The following PALLD variants were observed in gnomAD, a reference collection of about 807,000 sequenced individuals.
The protein encoded by PALLD is palladin, cytoskeletal associated protein, also known as palladin.
A neutral mutation model predicts 123.5 loss-of-function variants in PALLD; 61 were observed. The observed-to-expected ratio is 0.49, with a 90% confidence interval of 0.40 to 0.61. PALLD has a LOEUF of 0.61. Among genes scored for constraint, PALLD ranks in the 20% least tolerant of loss-of-function variants. PALLD has a pLI of 0.00. For synonymous variants in PALLD, 465 were observed against 496.4 expected (o/e 0.94, Z 0.84); for missense variants, 1,273 against 1,377.0 (o/e 0.92, Z 1.20).
intron 10 of PALLD, among the ~76,000 whole-genome samples, chr4:168,797,386 T>C (rs544293052): frequency 1.3e-5 from 2 of 152,014 alleles, no homozygotes; most frequent in South Asian, 2.1e-4. Flanking sequence ...AATCAAACAG[T>C]ATAAACAGAA....
chr4:168,520,343 A>AGAG (rs1554034670), intron 2 of PALLD, among the ~76,000 whole-genome samples: 3 of 57,576 alleles, frequency 5.2e-5, no homozygotes, highest in African/African-American at 8.1e-5. Flanking sequence ...AAAAAAAAAA[A>AGAG]AAAAAGAGAG....
rs143737053 is a variant in PALLD, at chr4:168,734,226, T to C, written c.1964+22303T>C. On this transcript the variant is annotated intron_variant, in intron 10 of 21. Coordinates refer to ENST00000505667, the MANE Select transcript of PALLD (RefSeq NM_001166108.2). ...AACTCATTTGTTTCCCAAAAAAATT[T>C]ACTATTTTAAGGTTAAATATAAAAT... 4.5e-3 allele frequency among the ~76,000 whole-genome samples: 693 copies of C among 152,336 alleles called. 5 individuals carry two copies. Among genetic ancestry groups the C allele is most frequent in the African/African-American group, 0.016 (645 of 41,576 alleles).
At chr4:168,523,041 C>T (rs899714769) in intron 2 of PALLD, among the ~76,000 whole-genome samples, 2 of 152,098 alleles carry the variant, frequency 1.3e-5, no homozygotes, top group African/African-American at 2.4e-5. Context: ...ATATGATCCA[C>T]ATGTTGTGGT....
In PALLD at chr4:168,750,523, G is replaced by A. The variant is rs1193976411; in HGVS notation, c.1964+38600G>A. 4.6e-5 allele frequency among the ~76,000 whole-genome samples: 7 copies of A among 152,220 alleles called. No homozygotes were observed. The South Asian group carries it at 1.2e-3, about 27-fold the overall frequency. Reference sequence around the variant, plus strand: ...TGGTTTAGGATATGTTCACCATGTTGCAGAAATTATATATATATTTTTTAA... The same window carrying A: ...TGGTTTAGGATATGTTCACCATGTTACAGAAATTATATATATATTTTTTAA... On this transcript the variant is annotated intron_variant, in intron 10 of 21. Coordinates refer to ENST00000505667, the MANE Select transcript of PALLD (RefSeq NM_001166108.2).
At chr4:168,515,341 G>A (rs187615326) in intron 2 of PALLD, among the ~76,000 whole-genome samples, 1 of 152,354 alleles carries the variant, frequency 6.6e-6, no homozygotes, top group East Asian at 1.9e-4. Context: ...GGGCATTTTA[G>A]AACCTGACTC....
At chr4:168,867,915 A>G (rs1028955814) in intron 10 of PALLD, among the ~76,000 whole-genome samples, 1 of 152,006 alleles carries the variant, frequency 6.6e-6, no homozygotes, top group Non-Finnish European at 1.5e-5. Context: ...AGAAAAAAAA[A>G]AAAAGAAAAA....
intron 5 of PALLD, 85 bp downstream of exon 5, chr4:168,683,188 C>A: frequency 1.4e-6 from 1 of 713,380 alleles, no homozygotes; most frequent in Non-Finnish European, 2.5e-6. Context: ...TTGATTCTAA[C>A]TAGTATACTC....
At chr4:168,902,327 A>G (rs1273490953) in intron 14 of PALLD, among the ~76,000 whole-genome samples, 1 of 152,202 alleles carries the variant, frequency 6.6e-6, no homozygotes, top group Non-Finnish European at 1.5e-5. Flanking sequence ...GCTGTGGCTT[A>G]AAAAAGGAAA....
At chr4:168,710,130 T>A (rs1207536452) in intron 9 of PALLD, among the ~76,000 whole-genome samples, 1 of 152,186 alleles carries the variant, frequency 6.6e-6, no homozygotes, top group East Asian at 1.9e-4. Flanking sequence ...CAAATTTCAC[T>A]GATAGTCTGT....
intron 17 of PALLD, among the ~76,000 whole-genome samples, chr4:168,918,014 C>T (rs1760564276): frequency 6.6e-6 from 1 of 152,100 alleles, no homozygotes; most frequent in African/African-American, 2.4e-5. Context: ...GCCTGACCAA[C>T]ATGGTGAAAC....
chr4:168,710,958 T>C (rs1246212440), intron 9 of PALLD, among the ~76,000 whole-genome samples: 1 of 149,610 alleles, frequency 6.7e-6, no homozygotes, highest in African/African-American at 2.5e-5. Flanking sequence ...TGCCAGGAGC[T>C]CTGCTGGGCT....
chr4:168,873,227 T>C (rs763736655), intron 10 of PALLD, among the ~76,000 whole-genome samples: 2 of 152,176 alleles, frequency 1.3e-5, no homozygotes, highest in Non-Finnish European at 2.9e-5. Context: ...TGTTTAGTGT[T>C]TGGCCAGGTG....
At chr4:168,823,204 A>C (rs957290943) in intron 10 of PALLD, among the ~76,000 whole-genome samples, 1 of 152,176 alleles carries the variant, frequency 6.6e-6, no homozygotes, top group Admixed American at 6.5e-5. Flanking sequence ...CCAAAGTGTC[A>C]GCCCTGCCCA....
At chr4:168,631,671 G>A (rs1775824548) in intron 2 of PALLD, 2 of 985,336 alleles carry the variant, frequency 2.0e-6, no homozygotes, top group African/African-American at 1.7e-5. Context: ...TGGCCGCTGC[G>A]CCGCCAGGAG....
intron 2 of PALLD, among the ~76,000 whole-genome samples, chr4:168,651,313 A>G (rs1778018230): frequency 6.6e-6 from 1 of 152,220 alleles, no homozygotes; most frequent in African/African-American, 2.4e-5. Flanking sequence ...GCTTGGCAAC[A>G]GATTTAACAT....
intron 2 of PALLD, among the ~76,000 whole-genome samples, chr4:168,555,896 G>C (rs11132324): frequency 0.29 from 43,427 of 151,982 alleles, 6,539 homozygotes; most frequent in South Asian, 0.44. Flanking sequence ...GGGATCGATT[G>C]CAGGCTCAGA....
At chr4:168,883,022 T>A (rs1384989620) in intron 10 of PALLD, among the ~76,000 whole-genome samples, 1 of 149,552 alleles carries the variant, frequency 6.7e-6, no homozygotes, top group Non-Finnish European at 1.5e-5. Context: ...ACACAGTGGG[T>A]GAGGTTGCAG....
chr4:168,777,918 A>G (rs546212775), intron 10 of PALLD, among the ~76,000 whole-genome samples: 5 of 152,304 alleles, frequency 3.3e-5, no homozygotes, highest in African/African-American at 1.2e-4. Context: ...GCCTCTGCCA[A>G]CAGTGTAAGT....
At chr4:168,648,572 C>T (rs750546356) in intron 2 of PALLD, 3 of 152,194 alleles carry the variant, frequency 2.0e-5, no homozygotes, top group Non-Finnish European at 4.4e-5. Flanking sequence ...ATAGGTGATG[C>T]ATTGCGCATT....
Sources: allele counts gnomAD v4.1 joint callset (sites outside exome capture counted in the v4.1 genomes callset), GRCh38; gene constraint gnomAD v4.1.1; transcripts MANE v1.5; gene names NCBI Gene and HGNC (gene_info 2026-07-23, HGNC 2026-07-21).